The following SHROOM2 variants were observed in gnomAD, a reference collection of about 807,000 sequenced individuals.
SHROOM2 encodes the protein protein Shroom2.
In SHROOM2, 33 loss-of-function variants were observed where a neutral mutation model predicts 75.9. The observed-to-expected ratio is 0.43, with a 90% CI of 0.33 to 0.58. SHROOM2 has a LOEUF of 0.58. Ranked by LOEUF, SHROOM2 falls within the 20% of genes least tolerant of loss-of-function variation. The pLI, the probability that SHROOM2 is intolerant of heterozygous loss-of-function variation, is 0.04. For missense variants in SHROOM2, 1,434 were observed against 1,461.2 expected (o/e 0.98, Z 0.30); for synonymous variants, 655 against 663.6 (o/e 0.99, Z 0.20).
chrX:9,792,444 G>GTT (rs1409093269), intron 1 of SHROOM2, among the ~76,000 whole-genome samples: 9 of 71,996 alleles, frequency 1.3e-4, no homozygotes, highest in South Asian at 5.6e-4. Flanking sequence ...CCCCTGGGCT[G>GTT]TTTTTTTGTG....
intron 1 of SHROOM2, among the ~76,000 whole-genome samples, chrX:9,807,115 C>CTGG (rs1314579892): frequency 3.6e-5 from 4 of 111,769 alleles, no homozygotes; most frequent in Non-Finnish European, 7.5e-5. Flanking sequence ...GGGTTCCCAC[C>CTGG]CATTCTGTCT....
chrX:9,803,468 G>T (rs1466057451), intron 1 of SHROOM2, among the ~76,000 whole-genome samples: 2 of 111,740 alleles, frequency 1.8e-5, no homozygotes, highest in East Asian at 5.6e-4. Context: ...AGGTGCCAGA[G>T]GCTGGGTGGA....
intron 5 of SHROOM2, among the ~76,000 whole-genome samples, chrX:9,921,045 C>G (rs550239150): frequency 3.6e-5 from 4 of 111,705 alleles, no homozygotes; most frequent in Admixed American, 2.9e-4. Flanking sequence ...CCAGGACAGC[C>G]GTCTTCCAAA....
At position 9,894,036 on chromosome X, in the gene SHROOM2, A is replaced by G. The variant is rs1018597523; in HGVS notation, c.450-322A>G. Among the ~76,000 whole-genome samples the G allele has an allele frequency of 5.4e-5, 6 of 110,967 alleles. No individual in the cohort carries two copies. The East Asian group carries it at 1.7e-3, about 31-fold the overall frequency. ...CCCTGCGCTTAACTGTTGATTGACC[A>G]TAGACGTGTAAATGCAGACGTTGCC... On this transcript the variant is annotated intron_variant, in intron 3 of 9. Transcript: ENST00000380913.
intron 8 of SHROOM2, among the ~76,000 whole-genome samples, chrX:9,941,995 A>G (rs1292752024): frequency 4.0e-5 from 4 of 101,122 alleles, no homozygotes; most frequent in African/African-American, 1.1e-4. Flanking sequence ...AAAAAAAAAA[A>G]ATTCCTGAGC....
intron 5 of SHROOM2, among the ~76,000 whole-genome samples, chrX:9,929,225 T>C (rs1367541246): frequency 9.4e-6 from 1 of 106,883 alleles, no homozygotes; most frequent in Non-Finnish European, 1.9e-5. Flanking sequence ...CAGATTCTTA[T>C]CAACTGCGAC....
chrX:9,943,615 C>T (rs139599564), intron 8 of SHROOM2, among the ~76,000 whole-genome samples: 264 of 111,934 alleles, frequency 2.4e-3, no homozygotes, highest in African/African-American at 8.2e-3. Context: ...GTTCTAGAGA[C>T]GGATGGTGGT....
intron 1 of SHROOM2, among the ~76,000 whole-genome samples, chrX:9,861,889 G>A (rs1311056978): frequency 1.8e-5 from 2 of 111,409 alleles, no homozygotes; most frequent in Non-Finnish European, 3.8e-5. Context: ...TGCCACCAGG[G>A]GATCCTGTGC....
intron 1 of SHROOM2, chrX:9,819,060 C>G: frequency 8.5e-7 from 1 of 1,169,769 alleles, no homozygotes; most frequent in Non-Finnish European, 1.2e-6. Context: ...ACCACTGTCA[C>G]TATTCTCAGG....
At chrX:9,887,028 G>C (rs374676429) in intron 2 of SHROOM2, among the ~76,000 whole-genome samples, 1 of 112,349 alleles carries the variant, frequency 8.9e-6, no homozygotes, top group East Asian at 2.8e-4. Flanking sequence ...GTCCAGGAAC[G>C]GGATTGTTTA....
chrX:9,893,572 T>C (rs2084305765), intron 3 of SHROOM2, among the ~76,000 whole-genome samples: 1 of 112,187 alleles, frequency 8.9e-6, no homozygotes, highest in Non-Finnish European at 1.9e-5. Context: ...TAAAGCTTCA[T>C]GTATGAACTG....
intron 1 of SHROOM2, among the ~76,000 whole-genome samples, chrX:9,829,179 AC>A (rs1250531906): frequency 9.0e-6 from 1 of 110,903 alleles, no homozygotes; most frequent in African/African-American, 3.3e-5. Context: ...ATGCGCCACC[AC>A]CCCCGGCTAA....
chrX:9,787,992 C>CTTTTTTTTTTTTTTTTTT (rs58004470), intron 1 of SHROOM2, among the ~76,000 whole-genome samples: 31 of 84,198 alleles, frequency 3.7e-4, no homozygotes, highest in African/African-American at 1.3e-3. Flanking sequence ...TTTCTTTCTT[C>CTTTTTTTTTTTTTTTTTT]TTTTTTTTTT....
chrX:9,883,765 G>A (rs1284511621), intron 2 of SHROOM2, among the ~76,000 whole-genome samples: 1 of 111,559 alleles, frequency 9.0e-6, no homozygotes, highest in African/African-American at 3.3e-5. Flanking sequence ...GGCAGGAAAA[G>A]GAAGGAAGCA....
At chrX:9,894,199 G>A (rs2084309816) in intron 3 of SHROOM2, among the ~76,000 whole-genome samples, 159 bp from the exon 4 acceptor site, 2 of 111,472 alleles carry the variant, frequency 1.8e-5, no homozygotes, top group Admixed American at 1.9e-4. Flanking sequence ...AAATCCAGAT[G>A]TGCTGAGCTG....
chrX:9,882,701 C>T (rs1284041808), intron 2 of SHROOM2, among the ~76,000 whole-genome samples: 1 of 111,636 alleles, frequency 9.0e-6, no homozygotes, highest in Admixed American at 9.5e-5. Flanking sequence ...AGGCGGGGCA[C>T]GCTCTTGCTA....
intron 1 of SHROOM2, among the ~76,000 whole-genome samples, chrX:9,825,018 T>G (rs1347843423): frequency 4.5e-5 from 5 of 111,384 alleles, no homozygotes; most frequent in Non-Finnish European, 9.4e-5. Context: ...CAGTTTCCCT[T>G]CTACTTATCT....
chrX:9,820,881 T>C (rs2083849929), intron 1 of SHROOM2, among the ~76,000 whole-genome samples: 1 of 112,567 alleles, frequency 8.9e-6, no homozygotes. Context: ...ATTACTCCTC[T>C]GTGCTGTATA....
chrX:9,872,644 G>A (rs1398841956), intron 1 of SHROOM2, among the ~76,000 whole-genome samples: 1 of 112,124 alleles, frequency 8.9e-6, no homozygotes, highest in Non-Finnish European at 1.9e-5. Context: ...CACATTGGGA[G>A]GATACTGTGT....
Sources: allele counts gnomAD v4.1 joint callset (sites outside exome capture counted in the v4.1 genomes callset), GRCh38; gene constraint gnomAD v4.1.1; transcripts MANE v1.5; gene names NCBI Gene and HGNC (gene_info 2026-07-23, HGNC 2026-07-21).